SERGEF: variants seen among roughly 807,000 people sequenced by gnomAD.
SERGEF encodes secretion regulating guanine nucleotide exchange factor, also known as secretion-regulating guanine nucleotide exchange factor.
SERGEF carries 51 observed loss-of-function variants against 50.0 expected under a neutral mutation model. The observed-to-expected ratio is 1.02, with a 90% CI of 0.81 to 1.29. The LOEUF (loss-of-function observed/expected upper bound fraction) is 1.29, where lower values mean the gene tolerates loss of function less well. Ranked by LOEUF, SERGEF falls within the 50% of genes most tolerant of loss-of-function variation. SERGEF has a pLI of 0.00. For missense variants in SERGEF, 521 were observed against 557.0 expected, an observed-to-expected ratio of 0.94 and a Z score of 0.65; for synonymous variants, 205 against 212.4, an observed-to-expected ratio of 0.97 and a Z score of 0.30.
At chr11:17,804,600 C>T (rs936774372) in intron 10 of SERGEF, among the ~76,000 whole-genome samples, 2 of 152,174 alleles carry the variant, frequency 1.3e-5, no homozygotes, top group African/African-American at 4.8e-5. Context: ...TCAGATTTCT[C>T]CTTTGTAAAA....
chr11:17,825,152 C>T (rs895840692), intron 10 of SERGEF, among the ~76,000 whole-genome samples: 13 of 152,148 alleles, frequency 8.5e-5, no homozygotes, highest in Non-Finnish European at 1.6e-4. Context: ...ATCTACTATA[C>T]GCCAGATACT....
At chr11:17,961,840 G>A (rs1853005100) in intron 8 of SERGEF, among the ~76,000 whole-genome samples, 1 of 152,108 alleles carries the variant, frequency 6.6e-6, no homozygotes, top group South Asian at 2.1e-4. Flanking sequence ...AATAAACTCT[G>A]CATCAGAAGG....
chr11:17,918,758 G>A (rs768802657), intron 9 of SERGEF: 4 of 443,704 alleles, frequency 9.0e-6, no homozygotes, highest in Non-Finnish European at 1.8e-5. Context: ...GACTTTCCAA[G>A]GAGATGCCAT....
chr11:17,844,174 G>T (rs1225865914), intron 10 of SERGEF, among the ~76,000 whole-genome samples: 1 of 152,098 alleles, frequency 6.6e-6, no homozygotes, highest in Non-Finnish European at 1.5e-5. Context: ...CAATACTTCA[G>T]ACTCAGGTAT....
intron 10 of SERGEF, among the ~76,000 whole-genome samples, chr11:17,845,115 C>T (rs917942542): frequency 2.6e-5 from 4 of 152,180 alleles, no homozygotes; most frequent in Non-Finnish European, 5.9e-5. Flanking sequence ...CAGCAGCCAT[C>T]TCCACCAGGT....
intron 9 of SERGEF, among the ~76,000 whole-genome samples, chr11:17,951,396 A>T (rs1852771349): frequency 6.6e-6 from 1 of 152,220 alleles, no homozygotes; most frequent in Non-Finnish European, 1.5e-5. Context: ...ACCCAAAATC[A>T]TACAGATTGT....
chr11:17,824,824 C>A (rs1850160468), intron 10 of SERGEF, among the ~76,000 whole-genome samples: 1 of 152,174 alleles, frequency 6.6e-6, no homozygotes, highest in Admixed American at 6.5e-5. Context: ...CCTTAAATAC[C>A]TTATCTCCAA....
intron 9 of SERGEF, among the ~76,000 whole-genome samples, chr11:17,912,335 A>G (rs113263186): frequency 1.3e-3 from 191 of 152,362 alleles, no homozygotes; most frequent in African/African-American, 4.4e-3. Context: ...CAGAAATGAT[A>G]TAATTTTTCT....
In SERGEF at chr11:17,832,009, T is replaced by C. The variant is rs575857082; in HGVS notation, c.1049-43596A>G. ...AGGTTTCATCACAGAGTGTAAAAAG[T>C]CCACTATATCTGAAGCTAGAAGATC... is the stretch of plus-strand genomic sequence containing the variant. On this transcript the variant is annotated intron_variant, in intron 10 of 10. Coordinates refer to ENST00000265965, the MANE Select transcript of SERGEF (RefSeq NM_012139.4). Among the ~76,000 whole-genome samples the C allele has an allele frequency of 2.6e-5, 4 of 152,350 alleles. No individual in the cohort carries two copies. In the East Asian group the frequency reaches 7.7e-4, roughly 29 times the overall value.
chr11:17,817,213 A>T (rs940498314), intron 10 of SERGEF, among the ~76,000 whole-genome samples: 18 of 135,166 alleles, frequency 1.3e-4, no homozygotes, highest in African/African-American at 4.1e-4. Flanking sequence ...CTTTCCATGT[A>T]TTTTTTTTTT....
At chr11:17,896,130 A>C (rs1851617157) in intron 9 of SERGEF, among the ~76,000 whole-genome samples, 1 of 152,230 alleles carries the variant, frequency 6.6e-6, no homozygotes, top group African/African-American at 2.4e-5. Context: ...AATCTCTTTA[A>C]GACAACTATA....
chr11:17,976,457 ATT>A (rs67114053), intron 8 of SERGEF, among the ~76,000 whole-genome samples: 85,593 of 99,044 alleles, frequency 0.86, 37,449 homozygotes, highest in East Asian at 0.94. Context: ...GCTAATTTTC[ATT>A]TTTTTTTTTT....
chr11:17,958,639 C>G (rs1171544565), intron 9 of SERGEF, among the ~76,000 whole-genome samples: 1 of 152,166 alleles, frequency 6.6e-6, no homozygotes, highest in Non-Finnish European at 1.5e-5. Context: ...TCCAGCCCAT[C>G]TTTCTGATAT....
intron 10 of SERGEF, among the ~76,000 whole-genome samples, chr11:17,860,874 A>G (rs560508075): frequency 1.2e-3 from 179 of 152,324 alleles, no homozygotes; most frequent in Non-Finnish European, 2.0e-3. Context: ...ACAGTGTAAG[A>G]GTTGAGTCCG....
intron 9 of SERGEF, among the ~76,000 whole-genome samples, chr11:17,953,890 G>A (rs375564843): frequency 1.2e-4 from 18 of 152,254 alleles, no homozygotes; most frequent in East Asian, 1.2e-3. Context: ...GGACAAATCC[G>A]GTCCACCACT....
intron 10 of SERGEF, among the ~76,000 whole-genome samples, chr11:17,841,892 A>C (rs543939750): frequency 2.0e-5 from 3 of 151,310 alleles, no homozygotes; most frequent in Non-Finnish European, 4.4e-5. Context: ...CACCCTACCC[A>C]CTCCTTTCAT....
intron 3 of SERGEF, among the ~76,000 whole-genome samples, chr11:18,006,293 G>C (rs958878093): frequency 1.1e-4 from 16 of 152,138 alleles, no homozygotes; most frequent in Admixed American, 9.2e-4. Context: ...CAAATAGCTG[G>C]GACTACAGAG....
chr11:17,895,311 C>T (rs1430607992), intron 9 of SERGEF, among the ~76,000 whole-genome samples: 1 of 152,206 alleles, frequency 6.6e-6, no homozygotes, highest in Non-Finnish European at 1.5e-5. Flanking sequence ...TAAGATGTGA[C>T]AGAGAGATCA....
intron 9 of SERGEF, among the ~76,000 whole-genome samples, chr11:17,935,978 T>G (rs374244825): frequency 1.5e-4 from 23 of 152,276 alleles, no homozygotes; most frequent in East Asian, 1.2e-3. Context: ...AGTCTTTATG[T>G]GCATATGTGC....
Sources: allele counts gnomAD v4.1 joint callset (sites outside exome capture counted in the v4.1 genomes callset), GRCh38; gene constraint gnomAD v4.1.1; transcripts MANE v1.5; gene names NCBI Gene and HGNC (gene_info 2026-07-23, HGNC 2026-07-21).